The following CDH18 variants were observed in gnomAD, a reference collection of about 807,000 sequenced individuals.
CDH18 encodes cadherin-18.
A neutral mutation model predicts 67.9 loss-of-function variants in CDH18; 31 were observed. That is an observed-to-expected ratio of 0.46 (90% CI 0.34 to 0.62). CDH18 has a LOEUF of 0.62. CDH18 is among the 20% of genes least tolerant of loss of function. CDH18 has a pLI of 0.01. For synonymous variants in CDH18, 362 were observed against 347.2 expected, an observed-to-expected ratio of 1.04 and a Z score of -0.48; for missense variants, 890 against 975.5, an observed-to-expected ratio of 0.91 and a Z score of 1.17.
intron 1 of CDH18, among the ~76,000 whole-genome samples, chr5:20,526,773 A>C (rs975036804): frequency 6.6e-6 from 1 of 152,146 alleles, no homozygotes; most frequent in African/African-American, 2.4e-5. Flanking sequence ...TTCAAAGATC[A>C]AAGTTAGGTA....
At chr5:19,875,520 G>A (rs1459713802) in intron 2 of CDH18, among the ~76,000 whole-genome samples, 1 of 151,888 alleles carries the variant, frequency 6.6e-6, no homozygotes, top group Non-Finnish European at 1.5e-5. Flanking sequence ...GGAAACCCAA[G>A]TTAAAATGAT....
intron 3 of CDH18, among the ~76,000 whole-genome samples, chr5:19,793,808 G>T (rs1700471036): frequency 6.6e-6 from 1 of 152,056 alleles, no homozygotes; most frequent in Admixed American, 6.6e-5. Flanking sequence ...TAGATAACCT[G>T]ACTCCAGCTT....
chr5:20,174,814 G>A (rs946283978), intron 2 of CDH18, among the ~76,000 whole-genome samples: 4 of 152,012 alleles, frequency 2.6e-5, no homozygotes, highest in Non-Finnish European at 5.9e-5. Context: ...ATATGATAAC[G>A]ATCTCTGAGT....
intron 2 of CDH18, among the ~76,000 whole-genome samples, chr5:19,880,501 T>C (rs1170455766): frequency 6.6e-6 from 1 of 152,198 alleles, no homozygotes; most frequent in East Asian, 1.9e-4. Context: ...ATAGATTTAT[T>C]TGACAGTCTG....
chr5:19,638,691 G>A (rs1013099985), intron 5 of CDH18, among the ~76,000 whole-genome samples: 4 of 151,566 alleles, frequency 2.6e-5, no homozygotes, highest in Admixed American at 2.0e-4. Context: ...AGCCATCCAT[G>A]AATGAAAACT....
At chr5:19,883,258 C>T (rs747650355) in intron 2 of CDH18, among the ~76,000 whole-genome samples, 12 of 152,104 alleles carry the variant, frequency 7.9e-5, no homozygotes, top group Non-Finnish European at 1.3e-4. Context: ...CATCACTGGT[C>T]TTGAGAAATG....
intron 1 of CDH18, among the ~76,000 whole-genome samples, chr5:20,479,540 A>G (rs993946440): frequency 2.6e-5 from 4 of 152,122 alleles, no homozygotes; most frequent in Non-Finnish European, 5.9e-5. Context: ...CAGTGAACTT[A>G]TAAACAGGCT....
At chr5:19,768,219 G>A (rs1360205349) in intron 3 of CDH18, among the ~76,000 whole-genome samples, 1 of 151,958 alleles carries the variant, frequency 6.6e-6, no homozygotes, top group Non-Finnish European at 1.5e-5. Flanking sequence ...TTACCACAGA[G>A]GTTTTTCAGA....
At chr5:20,485,631 A>T (rs947103637) in intron 1 of CDH18, among the ~76,000 whole-genome samples, 1 of 151,626 alleles carries the variant, frequency 6.6e-6, no homozygotes, top group Non-Finnish European at 1.5e-5. Context: ...CAATTCTTCC[A>T]TCAAAATCTA....
At chr5:19,724,415 A>G (rs1232014955) in intron 4 of CDH18, among the ~76,000 whole-genome samples, 2 of 152,156 alleles carry the variant, frequency 1.3e-5, no homozygotes, top group African/African-American at 4.8e-5. Flanking sequence ...ATCCTTATAT[A>G]TTGGAGCTGT....
chr5:19,492,877 A>G (rs1385499710), intron 11 of CDH18, among the ~76,000 whole-genome samples: 1 of 152,156 alleles, frequency 6.6e-6, no homozygotes, highest in Non-Finnish European at 1.5e-5. Context: ...ATTTGGTACT[A>G]AAGCAACTAA....
chr5:20,465,453 A>G (rs12153183), intron 1 of CDH18, among the ~76,000 whole-genome samples: 2,724 of 152,146 alleles, frequency 0.018, 74 homozygotes, highest in Non-Finnish European at 0.023. Flanking sequence ...GATATTACAT[A>G]TTTTTAAACT....
At chr5:20,376,377 C>T (rs1433526028) in intron 1 of CDH18, among the ~76,000 whole-genome samples, 22 of 151,242 alleles carry the variant, frequency 1.5e-4, no homozygotes, top group African/African-American at 4.1e-4. Context: ...CGTGAGCCAC[C>T]GCTCCCGGCC....
At chr5:19,791,417 G>T (rs1329789008) in intron 3 of CDH18, among the ~76,000 whole-genome samples, 1 of 147,952 alleles carries the variant, frequency 6.8e-6, no homozygotes, top group Non-Finnish European at 1.5e-5. Context: ...TTTAGTAGGG[G>T]CAGAAAGAAA....
At chr5:20,517,663 G>A (rs1055824469) in intron 1 of CDH18, among the ~76,000 whole-genome samples, 10 of 151,940 alleles carry the variant, frequency 6.6e-5, no homozygotes, top group South Asian at 2.1e-4. Context: ...AGGTTTTTAC[G>A]GGTTTTAGGA....
At chr5:20,059,208 AT>A (rs758574133) in intron 2 of CDH18, among the ~76,000 whole-genome samples, 58 of 150,368 alleles carry the variant, frequency 3.9e-4, no homozygotes, top group Non-Finnish European at 7.2e-4. Flanking sequence ...TGTCTATTTG[AT>A]TCTTCTCTCT....
chr5:20,020,492 C>T (rs962281018), intron 2 of CDH18, among the ~76,000 whole-genome samples: 2 of 152,154 alleles, frequency 1.3e-5, no homozygotes, highest in Non-Finnish European at 2.9e-5. Context: ...GCTCAGGAAC[C>T]AGCTGCCCTG....
chr5:20,567,976 G>T (rs1476477798), intron 1 of CDH18, among the ~76,000 whole-genome samples: 1 of 152,148 alleles, frequency 6.6e-6, no homozygotes, highest in Non-Finnish European at 1.5e-5. Context: ...TCACATTTTC[G>T]AGAACTGTGA....
intron 2 of CDH18, among the ~76,000 whole-genome samples, chr5:20,053,444 T>C (rs1004473402): frequency 6.6e-6 from 1 of 151,938 alleles, no homozygotes; most frequent in Non-Finnish European, 1.5e-5. Context: ...CCCACCACCA[T>C]TCTAATCTCT....
Sources: allele counts gnomAD v4.1 joint callset (sites outside exome capture counted in the v4.1 genomes callset), GRCh38; gene constraint gnomAD v4.1.1; transcripts MANE v1.5; gene names NCBI Gene and HGNC (gene_info 2026-07-23, HGNC 2026-07-21).